PRR16: variants seen among roughly 807,000 people sequenced by gnomAD.
The protein encoded by PRR16 is proline rich 16.
In PRR16, 6 loss-of-function variants were observed where a neutral mutation model predicts 18.2. The observed-to-expected ratio is 0.33, with a 90% CI of 0.18 to 0.65. PRR16 has a LOEUF of 0.65. PRR16 is among the 30% of genes least tolerant of loss of function. The pLI is 0.74. For synonymous variants in PRR16, 151 were observed against 147.8 expected (o/e 1.02, Z -0.16); for missense variants, 412 against 376.6 (o/e 1.09, Z -0.78).
At chr5:120,572,527 A>G (rs1752939733) in intron 1 of PRR16, among the ~76,000 whole-genome samples, 1 of 152,144 alleles carries the variant, frequency 6.6e-6, no homozygotes, top group Non-Finnish European at 1.5e-5. Flanking sequence ...TTCCATTCCC[A>G]ACGTAGATAT....
chr5:120,656,359 G>A (rs867828838), intron 1 of PRR16, among the ~76,000 whole-genome samples: 2 of 149,678 alleles, frequency 1.3e-5, no homozygotes, highest in African/African-American at 4.9e-5. Flanking sequence ...ACGGATGTAA[G>A]ATAAGTGGTA....
chr5:120,751,436 A>G, the PRR16 span, among the ~76,000 whole-genome samples: 2 of 151,688 alleles, frequency 1.3e-5, no homozygotes, highest in Admixed American at 1.3e-4. Flanking sequence ...CCTCACCAGC[A>G]CTCCCTATTT....
chr5:120,784,617 A>G, the PRR16 span, among the ~76,000 whole-genome samples: 6 of 152,214 alleles, frequency 3.9e-5, no homozygotes, highest in East Asian at 1.2e-3. Flanking sequence ...AAATCTGAAT[A>G]AAAATGGGCA....
the PRR16 span, chr5:120,790,199 A>T: frequency 6.6e-6 from 1 of 152,318 alleles, no homozygotes; most frequent in South Asian, 2.1e-4. Flanking sequence ...CCACAGCCTT[A>T]AATCTCTTCA....
rs541356782 is a variant in PRR16 at position 120,486,424 on chromosome 5, G to T, written c.159+21779G>T. ...AGTGATGATGAGCATTTTTTCATGG[G>T]TCTGTTGGCTGCATAAATGTCTTCT... On this transcript the variant is annotated intron_variant, in intron 1 of 1. Transcript: ENST00000407149. 2.0e-3 allele frequency among the ~76,000 whole-genome samples: 304 copies of T among 150,704 alleles called. 3 individuals carry two copies. The highest frequency in any genetic ancestry group is 7.2e-3 in the African/African-American group (294 of 40,620).
At chr5:120,484,244 A>G (rs1749714345) in intron 1 of PRR16, among the ~76,000 whole-genome samples, 1 of 150,324 alleles carries the variant, frequency 6.7e-6, no homozygotes, top group African/African-American at 2.4e-5. Flanking sequence ...ATTCGAAATG[A>G]TTACCGACTC....
the PRR16 span, among the ~76,000 whole-genome samples, chr5:120,750,641 T>C: frequency 6.6e-6 from 1 of 151,820 alleles, no homozygotes; most frequent in Non-Finnish European, 1.5e-5. Context: ...CACTCCACCC[T>C]GAGTGACAGA....
At chr5:120,695,776 A>C in the PRR16 span, among the ~76,000 whole-genome samples, 1 of 152,184 alleles carries the variant, frequency 6.6e-6, no homozygotes, top group Non-Finnish European at 1.5e-5. Flanking sequence ...TAGTCTAATT[A>C]CTGTTCCTCT....
At chr5:120,764,834 C>G in the PRR16 span, among the ~76,000 whole-genome samples, 1 of 152,174 alleles carries the variant, frequency 6.6e-6, no homozygotes, top group South Asian at 2.1e-4. Flanking sequence ...CTTTCTGCCA[C>G]CCACTGGCAT....
At chr5:120,715,734 A>G in the PRR16 span, among the ~76,000 whole-genome samples, 2 of 152,172 alleles carry the variant, frequency 1.3e-5, no homozygotes, top group African/African-American at 2.4e-5. Context: ...GTTATTTTTT[A>G]TGTTTGAACA....
chr5:120,687,364 A>T (rs982357362), downstream of PRR16: 10 of 152,342 alleles, frequency 6.6e-5, no homozygotes, highest in African/African-American at 2.4e-4. Context: ...CTCACTTAAC[A>T]TTCCTCAATA....
the PRR16 span, among the ~76,000 whole-genome samples, chr5:120,721,437 G>A: frequency 4.0e-3 from 611 of 152,108 alleles, 7 homozygotes; most frequent in African/African-American, 0.014. Context: ...TATCATGTTT[G>A]ACCTAAGTGA....
intron 1 of PRR16, among the ~76,000 whole-genome samples, chr5:120,614,893 G>A (rs1754455362): frequency 6.6e-6 from 1 of 152,146 alleles, no homozygotes; most frequent in African/African-American, 2.4e-5. Context: ...ATAGCAGCTT[G>A]CTCTGCTGCT....
Position 120,665,892 on chromosome 5 carries a change from G to A in PRR16, c.160-20062G>A, listed in dbSNP as rs1259039847. ...AGTATAGTTTGAAGTCAGGTAGCGT[G>A]ATGCCTCCAGCTTTGTTCTTTTGGC... is the stretch of plus-strand genomic sequence containing the variant. On this transcript the variant is annotated intron_variant, in intron 1 of 1. Transcript: ENST00000407149. 5.3e-5 allele frequency among the ~76,000 whole-genome samples: 8 copies of A among 152,268 alleles called. No homozygotes were observed. In the East Asian group the frequency reaches 1.5e-3, roughly 29 times the overall value.
chr5:120,490,225 T>C (rs1031936197), intron 1 of PRR16, among the ~76,000 whole-genome samples: 32 of 152,332 alleles, frequency 2.1e-4, no homozygotes, highest in Non-Finnish European at 4.3e-4. Flanking sequence ...GAAGTTCTCC[T>C]GGATAATATC....
In PRR16 at chr5:120,643,240, C is replaced by T. The variant is rs191243617; in HGVS notation, c.160-42714C>T. Among the ~76,000 whole-genome samples, 12 of 151,688 alleles carry T rather than the reference C, an allele frequency of 7.9e-5. No individual in the cohort carries two copies. The East Asian group carries it at 2.1e-3, about 27-fold the overall frequency. ...ACTGTCCTTTTCAAATTGTTTGAGA[C>T]CCACAAATTGGATGTGAGATTTTCT... On this transcript the variant is annotated intron_variant, in intron 1 of 1. Transcript: ENST00000407149.
intron 1 of PRR16, among the ~76,000 whole-genome samples, chr5:120,490,034 T>C (rs1293259310): frequency 6.6e-6 from 1 of 152,216 alleles, no homozygotes; most frequent in Non-Finnish European, 1.5e-5. Flanking sequence ...GTTAGTCTGA[T>C]GGGCTTCCCT....
At chr5:120,770,336 T>A in the PRR16 span, among the ~76,000 whole-genome samples, 1 of 151,980 alleles carries the variant, frequency 6.6e-6, no homozygotes. Context: ...ATTAGTCTCT[T>A]CCACAAATGG....
At chr5:120,794,396 C>T in the PRR16 span, among the ~76,000 whole-genome samples, 4 of 151,938 alleles carry the variant, frequency 2.6e-5, no homozygotes, top group African/African-American at 9.7e-5. Context: ...CTTTGTGTCT[C>T]TATGTCATGT....
Sources: allele counts gnomAD v4.1 joint callset (sites outside exome capture counted in the v4.1 genomes callset), GRCh38; gene constraint gnomAD v4.1.1; transcripts MANE v1.5; gene names NCBI Gene and HGNC (gene_info 2026-07-23, HGNC 2026-07-21).